The following CRYAB variants were observed in gnomAD, a reference collection of about 807,000 sequenced individuals.
The protein encoded by CRYAB is crystallin alpha B.
A neutral mutation model predicts 12.7 loss-of-function variants in CRYAB; 9 were observed. The observed-to-expected ratio is 0.71, with a 90% CI of 0.43 to 1.24. The LOEUF is 1.24. Among genes scored for constraint, CRYAB ranks in the 50% most tolerant of loss-of-function variants. CRYAB has a pLI of 0.00. For synonymous variants in CRYAB, 93 were observed against 86.8 expected (o/e 1.07, Z -0.40); for missense variants, 183 against 226.6 (o/e 0.81, Z 1.24).
At chr11:111,913,229 T>TCTCCTC, upstream of CRYAB, 1 of 584,968 alleles carries the variant, frequency 1.7e-6, no homozygotes, top group South Asian at 2.0e-5. Flanking sequence ...TCCTCCTCCT[T>TCTCCTC]CTCCTCCTCC....
rs1467726434 is a variant in CRYAB at position 111,911,705 on chromosome 11, T to C, written c.20A>G (p.His7Arg). The C allele has an allele frequency of 6.9e-6, 11 of 1,588,708 alleles. No homozygotes were observed. The highest frequency in any genetic ancestry group is 9.4e-6 in the Non-Finnish European group (11 of 1,167,788). The stretch of plus-strand genomic sequence containing the variant: ...AAAGAAGGGGCGGCGGATCCAGGGG[T>C]GGTGGATGGCGATGTCCATGGTGGC... MDIAIH[H>R]PWIRRPFFPF... Residue 7 changes from histidine to arginine, a missense_variant, in exon 1 of 3, where the codon CAC (histidine) becomes CGC (arginine). Transcript: ENST00000650687.
upstream of CRYAB, chr11:111,912,760 C>A (rs1592511436): frequency 1.7e-6 from 2 of 1,197,372 alleles, no homozygotes; most frequent in Non-Finnish European, 2.3e-6. Flanking sequence ...GCTCTCCGGG[C>A]AGCTGGAGGG....
At chr11:111,913,169 T>C (rs1316497236), upstream of CRYAB, 4 of 601,788 alleles carry the variant, frequency 6.6e-6, no homozygotes, top group Non-Finnish European at 1.2e-5. Flanking sequence ...TGTGCCTCCT[T>C]GTCCCCCTTC....
intron 2 of CRYAB, 157 bp downstream of exon 2, chr11:111,910,170 C>A (rs1343039748): frequency 1.1e-6 from 1 of 881,162 alleles, no homozygotes; most frequent in East Asian, 2.6e-5. Context: ...TATGTCTATC[C>A]TAACTTAGTC....
At chr11:111,913,573 C>T, upstream of CRYAB, 3 of 1,614,198 alleles carry the variant, frequency 1.9e-6, no homozygotes, top group Non-Finnish European at 2.5e-6. Flanking sequence ...AAGTTCCAGG[C>T]ATTTCTGGAT....
upstream of CRYAB, chr11:111,913,670 C>G: frequency 6.2e-7 from 1 of 1,614,178 alleles, no homozygotes; most frequent in Non-Finnish European, 8.5e-7. Flanking sequence ...AGCGCCTGGA[C>G]CGCCACGGCT....
At chr11:111,914,843 A>G (rs1206038061), upstream of CRYAB, among the ~76,000 whole-genome samples, 2 of 152,210 alleles carry the variant, frequency 1.3e-5, no homozygotes, top group Admixed American at 1.3e-4. Flanking sequence ...TGGGAGGCCG[A>G]GGCAGGAGGA....
At chr11:111,912,101 G>A (rs1278587926), upstream of CRYAB, 5 of 273,410 alleles carry the variant, frequency 1.8e-5, no homozygotes, top group East Asian at 4.1e-4. Flanking sequence ...AGCCGGCGTA[G>A]TGTGCCCCTC....
intron 1 of CRYAB, chr11:111,918,605 A>T: frequency 1.5e-6 from 1 of 652,888 alleles, no homozygotes. Flanking sequence ...ATTATAGAGG[A>T]TATATTTCAA....
upstream of CRYAB, chr11:111,912,840 G>A: frequency 1.9e-6 from 3 of 1,603,496 alleles, no homozygotes; most frequent in Non-Finnish European, 2.5e-6. Context: ...ATGTCGGGCC[G>A]CTCAGTGCCA....
At chr11:111,913,139 C>T, upstream of CRYAB, 1 of 611,834 alleles carries the variant, frequency 1.6e-6, no homozygotes, top group Non-Finnish European at 2.9e-6. Flanking sequence ...GTGCTGATAC[C>T]TGCTCTTTGC....
rs1353595099 is a variant in CRYAB, at chr11:111,918,858, A to G, written c.-199+4845T>C. Reference sequence around the variant, plus strand: ...CAAAAGTCCAACCTGCTAGGTTGAAATCTGACACTGACACAGACTCCGGGA... The same window carrying G: ...CAAAAGTCCAACCTGCTAGGTTGAAGTCTGACACTGACACAGACTCCGGGA... On this transcript the variant is annotated intron_variant, in intron 1 of 3. Transcript: ENST00000527950. 6 of 1,253,410 alleles carry G rather than the reference A, an allele frequency of 4.8e-6. No individual in the cohort carries two copies. In the African/African-American group the frequency reaches 8.9e-5, roughly 19 times the overall value. The allele number at this position is 1,253,410 out of a possible 1,614,324, so 77.6% of individuals were successfully genotyped here.
chr11:111,915,217 G>T (rs1965579626), upstream of CRYAB, among the ~76,000 whole-genome samples: 1 of 152,140 alleles, frequency 6.6e-6, no homozygotes. Flanking sequence ...AATTTGAATA[G>T]GTTCCCACAA....
At chr11:111,913,537 C>G, upstream of CRYAB, 1 of 1,614,130 alleles carries the variant, frequency 6.2e-7, no homozygotes, top group Non-Finnish European at 8.5e-7. Context: ...AGGGCAGGGG[C>G]CTCCGAGCTT....
upstream of CRYAB, among the ~76,000 whole-genome samples, chr11:111,916,613 C>A (rs587608941): frequency 6.6e-6 from 1 of 152,212 alleles, no homozygotes; most frequent in Non-Finnish European, 1.5e-5. Context: ...CTTTTGACAA[C>A]GTAACTTGAA....
Position 111,918,756 on chromosome 11 carries a change from C to G in CRYAB, c.-199+4947G>C, listed in dbSNP as rs1359482330. 17 of 685,272 alleles carry G rather than the reference C, an allele frequency of 2.5e-5. 1 individual carries two copies. In the Admixed American group the frequency reaches 3.0e-4, roughly 12 times the overall value. The allele number at this position is 685,272 out of a possible 1,614,324, so 42.4% of individuals were successfully genotyped here. On this transcript the variant is annotated intron_variant, in intron 1 of 3. Transcript: ENST00000527950. ...TTCAAATCCTGAAGTTGAGATAGCTCTCACCTGGAGCCCGTGTGTTGTTCT... is the reference window on the plus strand; with the variant it reads ...TTCAAATCCTGAAGTTGAGATAGCTGTCACCTGGAGCCCGTGTGTTGTTCT...
At chr11:111,922,274 C>CTT (rs1965712981) in intron 1 of CRYAB, among the ~76,000 whole-genome samples, 1 of 152,292 alleles carries the variant, frequency 6.6e-6, no homozygotes, top group East Asian at 1.9e-4. Flanking sequence ...TAACCAAAAT[C>CTT]TTTTTTTCCT....
At chr11:111,918,059 C>A (rs1209017895), upstream of CRYAB, 1 of 152,010 alleles carries the variant, frequency 6.6e-6, no homozygotes, top group Non-Finnish European at 1.5e-5. Flanking sequence ...CCCTGAACAT[C>A]CACTTAAAGG....
intron 1 of CRYAB, among the ~76,000 whole-genome samples, chr11:111,920,351 C>T (rs57377042): frequency 0.3 from 45,321 of 151,466 alleles, 7,775 homozygotes; most frequent in East Asian, 0.59. Context: ...GCCTGGCCAA[C>T]ATGGCAAAAC....
Sources: allele counts gnomAD v4.1 joint callset (sites outside exome capture counted in the v4.1 genomes callset), GRCh38; gene constraint gnomAD v4.1.1; transcripts MANE v1.5; gene names NCBI Gene and HGNC (gene_info 2026-07-23, HGNC 2026-07-21).